DENND4C: variants seen among roughly 807,000 people sequenced by gnomAD.
The protein encoded by DENND4C is DENN domain containing 4C.
A neutral mutation model predicts 203.0 loss-of-function variants in DENND4C; 108 were observed. The observed-to-expected ratio is 0.53, with a 90% CI of 0.46 to 0.62. DENND4C has a LOEUF of 0.62. Among genes scored for constraint, DENND4C ranks in the 20% least tolerant of loss-of-function variants. The probability of loss-of-function intolerance (pLI) is 0.00; values close to 1 mark genes in which losing one functional copy is unlikely to be tolerated. For missense variants in DENND4C, 2,481 were observed against 2,301.2 expected (o/e 1.08, Z -1.60); for synonymous variants, 871 against 792.4 (o/e 1.10, Z -1.67).
At position 19,352,112 on chromosome 9, in the gene DENND4C, T is replaced by G; in HGVS notation, c.4535T>G (p.Phe1512Cys). 1.2e-6 allele frequency: 2 copies of G among 1,613,910 alleles called. No homozygotes were observed. The highest frequency in any genetic ancestry group is 1.3e-5 in the African/African-American group (1 of 75,046). Residue 1512 changes from phenylalanine to cysteine, a missense_variant, in exon 25 of 33, where the codon TTT becomes TGT. Physicochemically the swap from Phe to Cys is radical, Grantham distance 205. Transcript: ENST00000434457. ...PFPRGMKGQD[F>C]EKSDHGSSQN... The stretch of plus-strand genomic sequence containing the variant: ...CCAAGAGGCATGAAAGGGCAAGACT[T>G]TGAAAAATCAGATCATGGTTCTTCT...
intron 10 of DENND4C, 57 bp downstream of exon 10, chr9:19,305,584 C>G: frequency 6.6e-7 from 1 of 1,505,394 alleles, no homozygotes; most frequent in Non-Finnish European, 9.0e-7. Context: ...TGTAGAGTTA[C>G]AGTTCTTTGA....
At chr9:19,315,551 GTATA>G (rs1588902242) in intron 10 of DENND4C, among the ~76,000 whole-genome samples, 1 of 150,614 alleles carries the variant, frequency 6.6e-6, no homozygotes, top group Admixed American at 6.6e-5. Context: ...ATATATACGT[GTATA>G]TATGTATGTG....
chr9:19,344,658 C>T (rs1822403303), intron 22 of DENND4C, among the ~76,000 whole-genome samples: 1 of 152,162 alleles, frequency 6.6e-6, no homozygotes. Flanking sequence ...AATGCCACCA[C>T]ATCTGGCTAA....
intron 30 of DENND4C, among the ~76,000 whole-genome samples, chr9:19,366,765 A>T (rs1827770088): frequency 6.6e-6 from 1 of 152,228 alleles, no homozygotes; most frequent in Non-Finnish European, 1.5e-5. Flanking sequence ...AAGAAAACAT[A>T]GGAGTAAATC....
At chr9:19,306,212 C>T (rs1172243541) in intron 10 of DENND4C, among the ~76,000 whole-genome samples, 8 of 152,214 alleles carry the variant, frequency 5.3e-5, no homozygotes, top group Non-Finnish European at 4.4e-5. Flanking sequence ...GGCCGTAGAA[C>T]GCTTTTATTC....
In DENND4C at chr9:19,372,064, C is replaced by G; in HGVS notation, c.5768C>G (p.Ala1923Gly). Residue 1923 changes from alanine to glycine, a missense_variant, in exon 33 of 33, where the codon GCA becomes GGA. Coordinates refer to ENST00000434457, the MANE Select transcript of DENND4C (RefSeq NM_001330640.2). ...IEAFDNEYGI[A>G]YNSLSSEILE... ...GCATTTGACAATGAATATGGAATTGCATACAATAGTCTGTCTTCAGAGATT... is the reference window on the plus strand; with the variant it reads ...GCATTTGACAATGAATATGGAATTGGATACAATAGTCTGTCTTCAGAGATT... 1 of 1,612,540 alleles carries G rather than the reference C, an allele frequency of 6.2e-7. No homozygotes were observed. The highest frequency in any genetic ancestry group is 8.5e-7 in the Non-Finnish European group (1 of 1,179,624).
chr9:19,330,590 G>A (rs554097474), intron 16 of DENND4C, among the ~76,000 whole-genome samples: 1 of 151,762 alleles, frequency 6.6e-6, no homozygotes, highest in East Asian at 1.9e-4. Context: ...CACCTGCCTC[G>A]GCCTCCCAAA....
intron 1 of DENND4C, among the ~76,000 whole-genome samples, chr9:19,264,154 C>T (rs184889865): frequency 2.6e-5 from 4 of 152,236 alleles, no homozygotes; most frequent in Admixed American, 2.0e-4. Context: ...TGGGAGACTT[C>T]TTACTACTGC....
chr9:19,247,377 G>C (rs1825551316), intron 1 of DENND4C, among the ~76,000 whole-genome samples: 1 of 151,976 alleles, frequency 6.6e-6, no homozygotes, highest in Admixed American at 6.6e-5. Flanking sequence ...CATCTTCATT[G>C]AACTCCACAC....
At chr9:19,307,064 A>G (rs900503533) in intron 10 of DENND4C, among the ~76,000 whole-genome samples, 4 of 152,054 alleles carry the variant, frequency 2.6e-5, no homozygotes, top group African/African-American at 9.7e-5. Context: ...GATTACAGGC[A>G]TGAGCCACTG....
At chr9:19,323,372 G>C (rs573973790) in intron 12 of DENND4C, among the ~76,000 whole-genome samples, 1 of 151,802 alleles carries the variant, frequency 6.6e-6, no homozygotes, top group East Asian at 1.9e-4. Context: ...AGAGGTTGCA[G>C]TGAGCCAAGA....
At chr9:19,364,176 T>TC (rs903187180) in intron 30 of DENND4C, among the ~76,000 whole-genome samples, 2 of 149,692 alleles carry the variant, frequency 1.3e-5, no homozygotes, top group African/African-American at 4.9e-5. Flanking sequence ...AAGTGAGACC[T>TC]CCCCGCCTTC....
intron 10 of DENND4C, 125 bp downstream of exon 10, chr9:19,305,652 A>C: frequency 1.1e-6 from 1 of 916,762 alleles, no homozygotes; most frequent in South Asian, 1.9e-5. Context: ...TAAATACAGC[A>C]GCTCTCAACC....
At chr9:19,289,598 G>A (rs529306709) in intron 4 of DENND4C, among the ~76,000 whole-genome samples, 1 of 152,240 alleles carries the variant, frequency 6.6e-6, no homozygotes, top group South Asian at 2.1e-4. Flanking sequence ...GGAGAGTGAG[G>A]CGGGCAGATC....
chr9:19,356,788 T>TGTGTGAGAGAGAGAGA (rs1266119304), intron 26 of DENND4C, among the ~76,000 whole-genome samples, 184 bp from the exon 27 acceptor site: 2 of 140,380 alleles, frequency 1.4e-5, no homozygotes, highest in African/African-American at 5.6e-5. Flanking sequence ...TGTGTGTGTG[T>TGTGTGAGAGAGAGAGA]GAGAGAGAGA....
At chr9:19,324,335 A>G (rs367818993) in intron 12 of DENND4C, 27 bp from the exon 13 acceptor site, 2 of 1,552,158 alleles carry the variant, frequency 1.3e-6, no homozygotes, top group African/African-American at 2.8e-5. Context: ...TTAAAATTTG[A>G]ATTTAATTAT....
intron 4 of DENND4C, among the ~76,000 whole-genome samples, chr9:19,290,334 C>G (rs946771012): frequency 6.6e-6 from 1 of 152,098 alleles, no homozygotes; most frequent in South Asian, 2.1e-4. Context: ...TTGTCTCTTC[C>G]CTGAATTTTT....
chr9:19,335,208 TATAATTTTTTA>T, intron 18 of DENND4C, 103 bp downstream of exon 18: 1 of 683,910 alleles, frequency 1.5e-6, no homozygotes, highest in Non-Finnish European at 2.1e-6. Context: ...AGTTTTGGGA[TATAATTTTTTA>T]ATAATTTTTA....
At chr9:19,243,515 C>T (rs985028317) in intron 1 of DENND4C, among the ~76,000 whole-genome samples, 10 of 152,256 alleles carry the variant, frequency 6.6e-5, no homozygotes, top group Non-Finnish European at 1.5e-4. Context: ...AGCAGTCTCT[C>T]CCCATTCCCA....
Sources: allele counts gnomAD v4.1 joint callset (sites outside exome capture counted in the v4.1 genomes callset), GRCh38; gene constraint gnomAD v4.1.1; transcripts MANE v1.5; gene names NCBI Gene and HGNC (gene_info 2026-07-23, HGNC 2026-07-21).